The following LRRC4C variants were observed in gnomAD, a reference collection of about 807,000 sequenced individuals.
LRRC4C encodes the protein leucine-rich repeat-containing protein 4C.
A neutral mutation model predicts 33.6 loss-of-function variants in LRRC4C; 5 were observed. The ratio of observed to expected loss-of-function variants is 0.15; its 90% CI spans 0.08 to 0.31. The LOEUF is 0.31. Ranked by LOEUF, LRRC4C falls within the 10% of genes least tolerant of loss-of-function variation. The probability of loss-of-function intolerance (pLI) is 1.00; values close to 1 mark genes in which losing one functional copy is unlikely to be tolerated. For missense variants in LRRC4C, 560 were observed against 796.7 expected, an observed-to-expected ratio of 0.70 and a Z score of 3.58; for synonymous variants, 329 against 302.0, an observed-to-expected ratio of 1.09 and a Z score of -0.93.
chr11:40,360,069 C>G (rs1406961092), intron 3 of LRRC4C, among the ~76,000 whole-genome samples: 1 of 152,000 alleles, frequency 6.6e-6, no homozygotes, highest in South Asian at 2.1e-4. Flanking sequence ...TTGTATGCCT[C>G]CATAACTCAA....
chr11:41,390,605 AC>A (rs1458957882), intron 1 of LRRC4C, among the ~76,000 whole-genome samples: 3 of 151,696 alleles, frequency 2.0e-5, no homozygotes, highest in African/African-American at 7.3e-5. Context: ...CCTGTAGCAA[AC>A]TTTTACTCAT....
intron 1 of LRRC4C, among the ~76,000 whole-genome samples, chr11:41,284,640 G>T (rs1949768004): frequency 6.6e-6 from 1 of 152,104 alleles, no homozygotes; most frequent in Non-Finnish European, 1.5e-5. Context: ...ACAGACAGCT[G>T]CATTTTTATT....
intron 5 of LRRC4C, among the ~76,000 whole-genome samples, chr11:40,178,411 T>C (rs751872608): frequency 6.6e-6 from 1 of 152,180 alleles, no homozygotes; most frequent in South Asian, 2.1e-4. Context: ...CAACCCCAGT[T>C]AATGTAGTGA....
At chr11:41,334,267 G>A (rs904530432) in intron 1 of LRRC4C, among the ~76,000 whole-genome samples, 1 of 152,150 alleles carries the variant, frequency 6.6e-6, no homozygotes, top group Admixed American at 6.5e-5. Context: ...CTTTGAACTC[G>A]TCAGTTCAAG....
intron 1 of LRRC4C, among the ~76,000 whole-genome samples, chr11:41,166,380 C>T (rs1474684358): frequency 6.6e-6 from 1 of 152,142 alleles, no homozygotes; most frequent in African/African-American, 2.4e-5. Context: ...ATAATTGTTA[C>T]TGCTTACTCT....
intron 4 of LRRC4C, among the ~76,000 whole-genome samples, chr11:40,260,684 T>C (rs1054773126): frequency 6.6e-6 from 1 of 152,150 alleles, no homozygotes; most frequent in Non-Finnish European, 1.5e-5. Context: ...AGACCATCAT[T>C]TGTGTAACCA....
chr11:41,380,208 T>C (rs1953091553), intron 1 of LRRC4C, among the ~76,000 whole-genome samples: 1 of 152,192 alleles, frequency 6.6e-6, no homozygotes, highest in African/African-American at 2.4e-5. Flanking sequence ...TTGTGTTGCC[T>C]TTAATATAAC....
chr11:40,679,716 C>T (rs1944581555), intron 2 of LRRC4C, among the ~76,000 whole-genome samples: 1 of 152,212 alleles, frequency 6.6e-6, no homozygotes, highest in African/African-American at 2.4e-5. Flanking sequence ...TTGGGAACCT[C>T]TGACTAGATC....
intron 4 of LRRC4C, among the ~76,000 whole-genome samples, chr11:40,287,345 C>T (rs1173353093): frequency 6.6e-6 from 1 of 151,270 alleles, no homozygotes; most frequent in Non-Finnish European, 1.5e-5. Context: ...ATAAATTCCC[C>T]AAAGCCAGGC....
intron 1 of LRRC4C, among the ~76,000 whole-genome samples, chr11:40,997,755 G>A (rs371730925): frequency 3.9e-5 from 6 of 152,164 alleles, no homozygotes; most frequent in Admixed American, 6.6e-5. Flanking sequence ...CCTTCTAGAT[G>A]AGAACAGGGA....
intron 4 of LRRC4C, among the ~76,000 whole-genome samples, chr11:40,253,080 TC>T (rs1298504583): frequency 6.6e-6 from 1 of 152,190 alleles, no homozygotes; most frequent in Non-Finnish European, 1.5e-5. Context: ...ACTTGGCATT[TC>T]TACAGATAAT....
chr11:40,888,586 A>C (rs1955565226), intron 2 of LRRC4C, among the ~76,000 whole-genome samples: 1 of 152,098 alleles, frequency 6.6e-6, no homozygotes, highest in South Asian at 2.1e-4. Flanking sequence ...ACTAAGTTGT[A>C]CATCCAAGAC....
intron 2 of LRRC4C, among the ~76,000 whole-genome samples, chr11:40,862,440 GAA>G (rs1954149848): frequency 6.6e-6 from 1 of 152,148 alleles, no homozygotes; most frequent in Non-Finnish European, 1.5e-5. Context: ...AAAGAAAATG[GAA>G]ACCATTTACT....
chr11:40,544,951 A>G (rs907222044), intron 3 of LRRC4C, among the ~76,000 whole-genome samples: 3 of 151,982 alleles, frequency 2.0e-5, no homozygotes, highest in Non-Finnish European at 4.4e-5. Context: ...CATATCTTCC[A>G]TGTTCCCTTT....
intron 1 of LRRC4C, among the ~76,000 whole-genome samples, chr11:41,256,383 T>C (rs1948800591): frequency 6.6e-6 from 1 of 151,966 alleles, no homozygotes; most frequent in South Asian, 2.1e-4. Context: ...AATCAGTTAC[T>C]CCCTCATACT....
In LRRC4C at chr11:41,307,955, G is replaced by A. The variant is rs61877290; in HGVS notation, c.-496+151476C>T. On this transcript the variant is annotated intron_variant, in intron 1 of 6. Coordinates refer to ENST00000528697, the MANE Select transcript of LRRC4C (RefSeq NM_001258419.2). ...AGACAGAGAGCTTTGTGTCTCCATCGCCCACATTCAGACTCATGTCCTTTT... is the reference window on the plus strand; with the variant it reads ...AGACAGAGAGCTTTGTGTCTCCATCACCCACATTCAGACTCATGTCCTTTT... 4.4e-3 allele frequency among the ~76,000 whole-genome samples: 666 copies of A among 152,212 alleles called. 2 individuals carry two copies. The highest frequency in any genetic ancestry group is 7.2e-3 in the Non-Finnish European group (493 of 68,008).
At chr11:41,072,349 G>T (rs1179942474) in intron 1 of LRRC4C, among the ~76,000 whole-genome samples, 1 of 32,538 alleles carries the variant, frequency 3.1e-5, no homozygotes, top group Admixed American at 4.6e-4. Context: ...GCAATTTTTA[G>T]TAATAAAGTA....
rs149378796 is a variant in LRRC4C, at chr11:40,524,697, C to A, written c.-270+123445G>T. Among the ~76,000 whole-genome samples, 26 of 152,216 alleles carry A rather than the reference C, an allele frequency of 1.7e-4. 1 individual carries two copies. The highest frequency in any genetic ancestry group is 6.0e-4 in the African/African-American group (25 of 41,558). On this transcript the variant is annotated intron_variant, in intron 3 of 6. Transcript: ENST00000528697. ...TCATAACCTCATACAGCATCTGGACCAAAACTGAAGCTCATTCAATTTGTT... is the reference window on the plus strand; with the variant it reads ...TCATAACCTCATACAGCATCTGGACAAAAACTGAAGCTCATTCAATTTGTT...
chr11:41,101,543 T>C (rs1251391060), intron 1 of LRRC4C, among the ~76,000 whole-genome samples: 1 of 152,158 alleles, frequency 6.6e-6, no homozygotes, highest in African/African-American at 2.4e-5. Flanking sequence ...TTATACACTG[T>C]TGGTGGGAGT....
Sources: allele counts gnomAD v4.1 joint callset (sites outside exome capture counted in the v4.1 genomes callset), GRCh38; gene constraint gnomAD v4.1.1; transcripts MANE v1.5; gene names NCBI Gene and HGNC (gene_info 2026-07-23, HGNC 2026-07-21).